Variants in GSE1 observed in about 807,000 individuals in gnomAD.
The protein encoded by GSE1 is Gse1 coiled-coil protein.
A neutral mutation model predicts 112.6 loss-of-function variants in GSE1; 32 were observed. The observed-to-expected ratio is 0.28, with a 90% CI of 0.21 to 0.38. The LOEUF (loss-of-function observed/expected upper bound fraction) is 0.38, where lower values mean the gene tolerates loss of function less well. Among genes scored for constraint, GSE1 ranks in the 10% least tolerant of loss-of-function variants. GSE1 has a pLI of 1.00. For synonymous variants in GSE1, 1,115 were observed against 735.6 expected (o/e 1.52, Z -8.35); for missense variants, 2,348 against 1,699.2 (o/e 1.38, Z -6.71).
At chr16:85,502,358 G>A (rs1208827913) in intron 2 of GSE1, among the ~76,000 whole-genome samples, 2 of 152,158 alleles carry the variant, frequency 1.3e-5, no homozygotes, top group African/African-American at 4.8e-5. Flanking sequence ...TGTGTGTGCC[G>A]CCCTGAGCAC....
chr16:85,637,877 C>T (rs566332202), intron 2 of GSE1, among the ~76,000 whole-genome samples: 21 of 152,194 alleles, frequency 1.4e-4, no homozygotes, highest in Admixed American at 9.2e-4. Context: ...CTCAGCGGCC[C>T]GCAGCCAGGG....
At chr16:85,490,770 C>T (rs758356371) in intron 2 of GSE1, 2 of 152,106 alleles carry the variant, frequency 1.3e-5, no homozygotes, top group South Asian at 2.1e-4. Context: ...TGGGGCCTGC[C>T]GGGCAATTGA....
chr16:85,185,294 C>T (rs1212525473), intron 1 of GSE1: 1 of 152,270 alleles, frequency 6.6e-6, no homozygotes, highest in African/African-American at 2.4e-5. Flanking sequence ...CAGAGTGCTC[C>T]CTTCTCAGCC....
chr16:85,270,112 G>A (rs1908683407), intron 1 of GSE1, among the ~76,000 whole-genome samples: 1 of 149,072 alleles, frequency 6.7e-6, no homozygotes, highest in Non-Finnish European at 1.5e-5. Flanking sequence ...AGCCTAGCGT[G>A]GCTTCACTCC....
intron 2 of GSE1, among the ~76,000 whole-genome samples, chr16:85,514,343 G>C (rs2051846770): frequency 1.3e-5 from 2 of 150,750 alleles, no homozygotes; most frequent in Admixed American, 1.3e-4. Context: ...ACTGCTGCCT[G>C]CATTTCCTCC....
chr16:85,379,362 G>C (rs559706327), intron 2 of GSE1, among the ~76,000 whole-genome samples: 2 of 152,330 alleles, frequency 1.3e-5, no homozygotes, highest in Admixed American at 6.5e-5. Context: ...AATGGTGCCT[G>C]GCCCCGTGAG....
At chr16:85,613,207 T>A, upstream of GSE1, 1 of 1,456,618 alleles carries the variant, frequency 6.9e-7, no homozygotes, top group Non-Finnish European at 9.0e-7. Flanking sequence ...GGCGTTGCGT[T>A]TGGGTGTGTC....
chr16:85,213,764 C>T (rs187120428), intron 1 of GSE1, among the ~76,000 whole-genome samples: 87 of 152,320 alleles, frequency 5.7e-4, no homozygotes, highest in Admixed American at 1.3e-3. Context: ...GGCTCTGAGC[C>T]GATTCTCAAA....
intron 1 of GSE1, among the ~76,000 whole-genome samples, chr16:85,246,242 C>T (rs1270691627): frequency 7.1e-6 from 1 of 140,108 alleles, no homozygotes; most frequent in Non-Finnish European, 1.6e-5. Context: ...CACACACGCA[C>T]ACCACACGCT....
chr16:85,659,785 T>C (rs545603883), intron 8 of GSE1: 19 of 152,380 alleles, frequency 1.2e-4, no homozygotes, highest in African/African-American at 4.3e-4. Flanking sequence ...GGGCAGCTTC[T>C]TGTTTAATGG....
intron 1 of GSE1, among the ~76,000 whole-genome samples, chr16:85,231,215 A>AGATG (rs950711066): frequency 6.7e-6 from 1 of 149,086 alleles, no homozygotes; most frequent in African/African-American, 2.5e-5. Flanking sequence ...ACAGAAGGAT[A>AGATG]GATGGATGGA....
chr16:85,209,671 A>T (rs2075190533), intron 1 of GSE1, among the ~76,000 whole-genome samples: 1 of 152,140 alleles, frequency 6.6e-6, no homozygotes, highest in Non-Finnish European at 1.5e-5. Context: ...ACATTCTGCA[A>T]CCCTAGATCG....
intron 2 of GSE1, among the ~76,000 whole-genome samples, chr16:85,474,201 G>A (rs150441674): frequency 1.3e-3 from 197 of 152,188 alleles, no homozygotes; most frequent in African/African-American, 4.5e-3. Context: ...CAGGGACCTG[G>A]GACAGAGAAG....
chr16:85,195,351 A>T (rs1214624849), intron 1 of GSE1, among the ~76,000 whole-genome samples: 1 of 152,310 alleles, frequency 6.6e-6, no homozygotes, highest in East Asian at 1.9e-4. Context: ...GGAGGAAATC[A>T]GCAAGAACCA....
chr16:85,335,061 C>T (rs551983909), intron 1 of GSE1, among the ~76,000 whole-genome samples: 1 of 152,256 alleles, frequency 6.6e-6, no homozygotes, highest in African/African-American at 2.4e-5. Context: ...TCACCTGACC[C>T]TTGTTTGAGT....
intron 1 of GSE1, among the ~76,000 whole-genome samples, chr16:85,339,439 A>C (rs1434008200): frequency 6.6e-6 from 1 of 152,050 alleles, no homozygotes; most frequent in Non-Finnish European, 1.5e-5. Flanking sequence ...CGCCCTTTCT[A>C]GAAGCTTCTG....
At chr16:85,549,265 C>T (rs1220604141) in intron 2 of GSE1, among the ~76,000 whole-genome samples, 1 of 151,826 alleles carries the variant, frequency 6.6e-6, no homozygotes. Flanking sequence ...GCCTCAATTT[C>T]CTGGGCTCAA....
intron 1 of GSE1, among the ~76,000 whole-genome samples, chr16:85,598,153 C>T (rs896511668): frequency 1.3e-5 from 2 of 150,330 alleles, no homozygotes; most frequent in African/African-American, 4.9e-5. Context: ...CTCTCCCAGG[C>T]CTGAGGTTTG....
intron 2 of GSE1, among the ~76,000 whole-genome samples, chr16:85,431,285 C>A (rs2049114720): frequency 6.6e-6 from 1 of 152,186 alleles, no homozygotes; most frequent in Admixed American, 6.5e-5. Flanking sequence ...GCCTCCAGGC[C>A]CTGTCCATAC....
Sources: gnomAD v4.1 joint callset for allele counts (sites outside exome capture counted in the v4.1 genomes callset) on GRCh38, gnomAD v4.1.1 for gene constraint, MANE v1.5 for transcripts, NCBI Gene and HGNC (gene_info 2026-07-23, HGNC 2026-07-21) for gene names.